Variants in SLC25A21 observed in about 807,000 individuals in gnomAD.
The protein encoded by SLC25A21 is solute carrier family 25 member 21.
A neutral mutation model predicts 43.8 loss-of-function variants in SLC25A21; 47 were observed. That is an observed-to-expected ratio of 1.07 (90% CI 0.85 to 1.37). The LOEUF (loss-of-function observed/expected upper bound fraction) is 1.37. Ranked by LOEUF, SLC25A21 falls within the 40% of genes most tolerant of loss-of-function variation. SLC25A21 has a pLI of 0.00. For missense variants in SLC25A21, 352 were observed against 350.2 expected (o/e 1.00, Z -0.04); for synonymous variants, 131 against 121.3 (o/e 1.08, Z -0.52).
At chr14:37,094,838 A>C (rs760062641) in intron 1 of SLC25A21, among the ~76,000 whole-genome samples, 2 of 152,316 alleles carry the variant, frequency 1.3e-5, no homozygotes, top group South Asian at 4.1e-4. Flanking sequence ...ACTGGTACCC[A>C]GGATATAAAA....
intron 7 of SLC25A21, among the ~76,000 whole-genome samples, chr14:36,709,533 G>A (rs1453754750): frequency 2.0e-5 from 3 of 152,016 alleles, no homozygotes; most frequent in Admixed American, 6.5e-5. Flanking sequence ...TCACTAGGGG[G>A]GTCTATATAC....
intron 6 of SLC25A21, among the ~76,000 whole-genome samples, chr14:36,712,336 A>T (rs1051005212): frequency 4.6e-5 from 7 of 151,438 alleles, no homozygotes; most frequent in African/African-American, 1.7e-4. Context: ...TTAACAGGGG[A>T]AACTGTTCAG....
chr14:36,798,228 C>T (rs1451344772), intron 3 of SLC25A21, among the ~76,000 whole-genome samples: 1 of 152,058 alleles, frequency 6.6e-6, no homozygotes, highest in South Asian at 2.1e-4. Flanking sequence ...TCCATTTGTT[C>T]TAGGAAGAAA....
chr14:36,690,084 C>T (rs555171493), intron 7 of SLC25A21, among the ~76,000 whole-genome samples: 36 of 152,304 alleles, frequency 2.4e-4, no homozygotes, highest in African/African-American at 8.7e-4. Context: ...AGTGGGGTCA[C>T]CTGATCTGAG....
At position 37,119,565 on chromosome 14, in the gene SLC25A21, AAAAAGAAAAAAG is replaced by A. The variant is rs1263082812; in HGVS notation, c.70+52704_70+52715del. 8.0e-3 allele frequency among the ~76,000 whole-genome samples: 431 copies of A among 53,720 alleles called. 3 individuals are homozygous for A. Among genetic ancestry groups the A allele is most frequent in the African/African-American group, 0.012 (400 of 34,754 alleles). The allele number at this position is 53,720 out of a possible 152,430, so 35.2% of individuals were successfully genotyped here. A position where few individuals can be genotyped will look rare whatever the true frequency, so the allele number is the denominator to read the frequency against. The stretch of plus-strand genomic sequence containing the variant: ...GAGTGAGACACCATAAAAAAAAAGA[AAAAAGAAAAAAG>A]AAAAGAAAAGAACTATAAGCATAAT... On this transcript the variant is annotated intron_variant, in intron 1 of 9. Coordinates refer to ENST00000331299, the MANE Select transcript of SLC25A21 (RefSeq NM_030631.4).
chr14:36,698,628 T>C, intron 7 of SLC25A21, among the ~76,000 whole-genome samples: 1 of 152,176 alleles, frequency 6.6e-6, no homozygotes. Context: ...ACTCTTTTTT[T>C]CTCTAACCTG....
chr14:36,749,696 C>T (rs933335406), intron 3 of SLC25A21, among the ~76,000 whole-genome samples: 5 of 152,194 alleles, frequency 3.3e-5, no homozygotes, highest in Non-Finnish European at 7.3e-5. Context: ...GGCCCAGGTA[C>T]ACCATCACTC....
chr14:37,145,453 A>ACT (rs1963647074), intron 1 of SLC25A21, among the ~76,000 whole-genome samples: 1 of 25,416 alleles, frequency 3.9e-5, no homozygotes, highest in African/African-American at 6.7e-5. Context: ...ACACACACAC[A>ACT]CACACACACA....
chr14:36,703,962 A>C (rs1883388193), intron 7 of SLC25A21, among the ~76,000 whole-genome samples: 1 of 152,172 alleles, frequency 6.6e-6, no homozygotes, highest in Non-Finnish European at 1.5e-5. Flanking sequence ...AGAAAGTATA[A>C]TTCTTTATCC....
At chr14:37,093,825 TC>T (rs1226046919) in intron 1 of SLC25A21, among the ~76,000 whole-genome samples, 1 of 152,164 alleles carries the variant, frequency 6.6e-6, no homozygotes, top group East Asian at 1.9e-4. Flanking sequence ...CCAAACACCC[TC>T]CCAGCCCCCT....
At chr14:36,966,593 C>G (rs2138680822) in intron 1 of SLC25A21, among the ~76,000 whole-genome samples, 1 of 152,284 alleles carries the variant, frequency 6.6e-6, no homozygotes, top group South Asian at 2.1e-4. Context: ...CTTTCCCTAT[C>G]TACACACTGT....
At chr14:36,970,869 A>G (rs1959734147) in intron 1 of SLC25A21, among the ~76,000 whole-genome samples, 1 of 152,198 alleles carries the variant, frequency 6.6e-6, no homozygotes, top group South Asian at 2.1e-4. Context: ...TATTACTAAT[A>G]TTTCATTCTT....
intron 2 of SLC25A21, among the ~76,000 whole-genome samples, chr14:36,864,542 TA>T (rs1890158287): frequency 6.6e-6 from 1 of 152,218 alleles, no homozygotes; most frequent in Non-Finnish European, 1.5e-5. Context: ...ACATTTCAGT[TA>T]AATGAAACAA....
chr14:36,705,847 G>A (rs1883531981), intron 7 of SLC25A21, among the ~76,000 whole-genome samples: 1 of 152,150 alleles, frequency 6.6e-6, no homozygotes. Context: ...CAATAACCCT[G>A]TAAACAAATT....
intron 7 of SLC25A21, among the ~76,000 whole-genome samples, chr14:36,707,981 G>T (rs1883652502): frequency 6.6e-6 from 1 of 152,124 alleles, no homozygotes; most frequent in Non-Finnish European, 1.5e-5. Context: ...AAAAAAATTA[G>T]CTGAGTGTGG....
At chr14:37,035,989 A>G (rs1409987451) in intron 1 of SLC25A21, among the ~76,000 whole-genome samples, 1 of 152,154 alleles carries the variant, frequency 6.6e-6, no homozygotes, top group African/African-American at 2.4e-5. Flanking sequence ...AAGTTTAAAA[A>G]TCTCTTGTCC....
chr14:36,877,617 T>C (rs1452178411), intron 1 of SLC25A21, among the ~76,000 whole-genome samples: 1 of 152,036 alleles, frequency 6.6e-6, no homozygotes, highest in Non-Finnish European at 1.5e-5. Flanking sequence ...TCAGAGTTTA[T>C]GGGAGCACCT....
intron 1 of SLC25A21, among the ~76,000 whole-genome samples, chr14:37,164,929 CACTACACAAAGT>C (rs2138954514): frequency 6.6e-6 from 1 of 152,296 alleles, no homozygotes; most frequent in African/African-American, 2.4e-5. Flanking sequence ...AATGAGATAA[CACTACACAAAGT>C]ACTTGAACTG....
chr14:36,871,190 G>A (rs939067122), intron 2 of SLC25A21, among the ~76,000 whole-genome samples: 3 of 151,982 alleles, frequency 2.0e-5, no homozygotes, highest in South Asian at 4.2e-4. Flanking sequence ...GGGGCCTTTA[G>A]GAGGTCATGA....
Sources: gnomAD v4.1 joint callset for allele counts (sites outside exome capture counted in the v4.1 genomes callset) on GRCh38, gnomAD v4.1.1 for gene constraint, MANE v1.5 for transcripts, NCBI Gene and HGNC (gene_info 2026-07-23, HGNC 2026-07-21) for gene names.